Variants in FAM193A observed in about 807,000 individuals in gnomAD.
FAM193A encodes protein FAM193A.
Under a neutral mutation model 126.5 loss-of-function variants are expected in FAM193A, and 22 were observed. That is an observed-to-expected ratio of 0.17 (90% CI 0.12 to 0.25). FAM193A has a LOEUF of 0.25. Among genes scored for constraint, FAM193A ranks in the 10% least tolerant of loss-of-function variants. FAM193A has a pLI of 1.00. For missense variants in FAM193A, 1,675 were observed against 1,672.8 expected, an observed-to-expected ratio of 1.00 and a Z score of -0.02; for synonymous variants, 761 against 646.8, an observed-to-expected ratio of 1.18 and a Z score of -2.68.
intron 13 of FAM193A, among the ~76,000 whole-genome samples, chr4:2,680,465 A>C (rs1337940920): frequency 6.6e-6 from 1 of 151,828 alleles, no homozygotes; most frequent in Non-Finnish European, 1.5e-5. Context: ...GATTACAGGC[A>C]TGTGCCACCA....
intron 1 of FAM193A, among the ~76,000 whole-genome samples, chr4:2,564,164 C>T (rs1738793967): frequency 6.6e-6 from 1 of 152,080 alleles, no homozygotes; most frequent in Non-Finnish European, 1.5e-5. Context: ...TCACTGCAGC[C>T]TCAACCACCC....
At chr4:2,541,352 A>T (rs1289812649) in intron 1 of FAM193A, among the ~76,000 whole-genome samples, 1 of 152,152 alleles carries the variant, frequency 6.6e-6, no homozygotes. Flanking sequence ...CAAAAAACAA[A>T]CAAAATATTT....
intron 1 of FAM193A, among the ~76,000 whole-genome samples, chr4:2,590,492 A>AC (rs1386756183): frequency 0.07 from 6,627 of 94,430 alleles, 1,687 homozygotes; most frequent in African/African-American, 0.27. Flanking sequence ...AAAACAAAAA[A>AC]AAACAAAAAA....
At chr4:2,730,239 A>AG (rs1408133758) in intron 20 of FAM193A, among the ~76,000 whole-genome samples, 5 of 152,234 alleles carry the variant, frequency 3.3e-5, no homozygotes, top group African/African-American at 1.2e-4. Flanking sequence ...AGTTTCAGGA[A>AG]GGAAAAACCA....
intron 2 of FAM193A, among the ~76,000 whole-genome samples, chr4:2,617,240 T>TTTTATATATATATATATATATATA (rs377206444): frequency 1.1e-4 from 4 of 35,238 alleles, no homozygotes; most frequent in African/African-American, 2.7e-4. Context: ...TATGTTTTTA[T>TTTTATATATATATATATATATATA]TATATATATA....
chr4:2,710,987 G>T (rs1468372935), intron 19 of FAM193A, among the ~76,000 whole-genome samples: 1 of 151,718 alleles, frequency 6.6e-6, no homozygotes, highest in Non-Finnish European at 1.5e-5. Context: ...AAGTAGCTGG[G>T]ACTACAGGCG....
intron 1 of FAM193A, among the ~76,000 whole-genome samples, chr4:2,576,328 G>C (rs1417934398): frequency 6.6e-6 from 1 of 152,094 alleles, no homozygotes; most frequent in Non-Finnish European, 1.5e-5. Flanking sequence ...TTGAACTCCT[G>C]ACCTCGTGAT....
At chr4:2,686,071 A>G (rs938831217) in intron 13 of FAM193A, among the ~76,000 whole-genome samples, 4 of 152,192 alleles carry the variant, frequency 2.6e-5, no homozygotes, top group Admixed American at 1.3e-4. Flanking sequence ...TGGTCCAAAA[A>G]TGGTCTAGGT....
intron 18 of FAM193A, 43 bp downstream of exon 18, chr4:2,696,636 G>A (rs756037318): frequency 5.3e-6 from 8 of 1,511,114 alleles, no homozygotes; most frequent in Non-Finnish European, 7.3e-6. Flanking sequence ...AGGTCTGAGG[G>A]CATTTGAAGG....
intron 7 of FAM193A, 90 bp from the exon 8 acceptor site, chr4:2,657,713 T>C: frequency 1.3e-6 from 1 of 788,950 alleles, no homozygotes; most frequent in East Asian, 2.5e-5. Flanking sequence ...TATATCATTT[T>C]AAGAAAGTCT....
chr4:2,641,830 G>A (rs1190056917), intron 6 of FAM193A, among the ~76,000 whole-genome samples: 3 of 152,124 alleles, frequency 2.0e-5, no homozygotes, highest in South Asian at 2.1e-4. Context: ...GAAGCTACAC[G>A]TGCTGGCTCA....
At chr4:2,613,644 G>T (rs564323468) in intron 2 of FAM193A, among the ~76,000 whole-genome samples, 13 of 151,710 alleles carry the variant, frequency 8.6e-5, no homozygotes, top group Non-Finnish European at 1.8e-4. Flanking sequence ...GTATAGAGAC[G>T]GGTTTCTCCA....
At position 2,700,027 on chromosome 4, in the gene FAM193A, G is replaced by A; in HGVS notation, c.3855G>A (p.Glu1285=). The change falls in exon 19 of 21, where the codon GAG becomes GAA. Residue 1285 remains glutamate, a synonymous_variant. Transcript: ENST00000637812. ...HSPSRHMNHS[E]PRPGLGADGD... The stretch of plus-strand genomic sequence containing the variant: ...CATCCAGGCATATGAACCACTCAGA[G>A]CCCAGGCCAGGGCTAGGGGCTGATG... The A allele has an allele frequency of 6.2e-7, 1 of 1,613,978 alleles. No individual in the cohort carries two copies. Among genetic ancestry groups the A allele is most frequent in the South Asian group, 1.1e-5 (1 of 91,068 alleles).
At chr4:2,540,343 C>T (rs1363032480) in intron 1 of FAM193A, among the ~76,000 whole-genome samples, 1 of 151,700 alleles carries the variant, frequency 6.6e-6, no homozygotes, top group Non-Finnish European at 1.5e-5. Context: ...TGGCGGGCAC[C>T]TGTAGTCCCA....
intron 1 of FAM193A, among the ~76,000 whole-genome samples, chr4:2,590,509 A>ACC (rs1273080012): frequency 1.5e-5 from 2 of 133,528 alleles, no homozygotes; most frequent in Non-Finnish European, 3.1e-5. Context: ...AAAAAAACAA[A>ACC]AAAAAAACAA....
At chr4:2,700,621 A>G (rs532741622) in intron 19 of FAM193A, 77 bp downstream of exon 19, 8 of 1,527,824 alleles carry the variant, frequency 5.2e-6, no homozygotes, top group South Asian at 2.6e-5. Flanking sequence ...ATAGGAAAAC[A>G]CTGGGTTTGG....
chr4:2,612,247 A>G (rs555334172), intron 2 of FAM193A, among the ~76,000 whole-genome samples: 29 of 151,748 alleles, frequency 1.9e-4, no homozygotes, highest in Non-Finnish European at 3.1e-4. Flanking sequence ...CACGCCTGTA[A>G]TCCTAGCACT....
intron 1 of FAM193A, among the ~76,000 whole-genome samples, chr4:2,583,385 C>G (rs1336145481): frequency 6.6e-6 from 1 of 152,210 alleles, no homozygotes; most frequent in African/African-American, 2.4e-5. Context: ...AATCCTGCCC[C>G]TTTTGCAGGA....
chr4:2,706,411 C>T (rs1390998670), intron 19 of FAM193A, among the ~76,000 whole-genome samples: 2 of 150,504 alleles, frequency 1.3e-5, no homozygotes, highest in African/African-American at 2.4e-5. Context: ...ATTCTCCTGC[C>T]TCTGCCTCCC....
Sources: gnomAD v4.1 joint callset for allele counts (sites outside exome capture counted in the v4.1 genomes callset) on GRCh38, gnomAD v4.1.1 for gene constraint, MANE v1.5 for transcripts, NCBI Gene and HGNC (gene_info 2026-07-23, HGNC 2026-07-21) for gene names.